NCAM2: variants seen among roughly 807,000 people sequenced by gnomAD.
NCAM2 encodes neural cell adhesion molecule 2, also known as N-CAM-2.
NCAM2 carries 30 observed loss-of-function variants against 98.1 expected under a neutral mutation model. The ratio of observed to expected loss-of-function variants is 0.31; its 90% CI spans 0.23 to 0.41. NCAM2 has a LOEUF of 0.41. Ranked by LOEUF, NCAM2 falls within the 10% of genes least tolerant of loss-of-function variation. NCAM2 has a pLI of 1.00. For missense variants in NCAM2, 867 were observed against 1,005.8 expected, an observed-to-expected ratio of 0.86 and a Z score of 1.87; for synonymous variants, 368 against 342.4, an observed-to-expected ratio of 1.07 and a Z score of -0.83.
chr21:21,245,518 G>T (rs114658416), intron 1 of NCAM2, among the ~76,000 whole-genome samples: 2,164 of 152,228 alleles, frequency 0.014, 61 homozygotes, highest in African/African-American at 0.049. Flanking sequence ...ACCTGCAGTG[G>T]CCAGACGTGT....
chr21:21,481,570 T>C (rs1434313070), intron 15 of NCAM2, among the ~76,000 whole-genome samples: 1 of 152,042 alleles, frequency 6.6e-6, no homozygotes, highest in Non-Finnish European at 1.5e-5. Flanking sequence ...TTTCAGGAAG[T>C]TTTTCTATGA....
At chr21:21,198,986 C>T (rs1349597930) in intron 1 of NCAM2, among the ~76,000 whole-genome samples, 2 of 152,086 alleles carry the variant, frequency 1.3e-5, no homozygotes, top group Non-Finnish European at 2.9e-5. Flanking sequence ...ACCTTCTGTT[C>T]TGGTTTGCTG....
At chr21:21,488,658 T>A (rs1265081168) in intron 15 of NCAM2, among the ~76,000 whole-genome samples, 3 of 151,792 alleles carry the variant, frequency 2.0e-5, no homozygotes, top group African/African-American at 7.2e-5. Context: ...AACATTTGAG[T>A]TTGTAGTAAT....
chr21:21,048,838 C>T (rs1045029800), intron 1 of NCAM2, among the ~76,000 whole-genome samples: 5 of 152,090 alleles, frequency 3.3e-5, no homozygotes, highest in South Asian at 2.1e-4. Flanking sequence ...TGACTCTTTT[C>T]GTCAACATTT....
intron 15 of NCAM2, among the ~76,000 whole-genome samples, chr21:21,480,366 CAAAA>C (rs59203448): frequency 4.3e-5 from 3 of 69,968 alleles, no homozygotes; most frequent in Non-Finnish European, 5.3e-5. Context: ...GACTCCATCT[CAAAA>C]AAAAAAAAAA....
chr21:21,409,654 G>A (rs946034291), intron 9 of NCAM2, among the ~76,000 whole-genome samples: 1 of 152,108 alleles, frequency 6.6e-6, no homozygotes, highest in Non-Finnish European at 1.5e-5. Flanking sequence ...CATTAACATA[G>A]TCAATATGTA....
intron 16 of NCAM2, among the ~76,000 whole-genome samples, chr21:21,530,335 A>ATATATAATTAAATTAAAATATAATTTGAT (rs1989618256): frequency 2.1e-4 from 5 of 24,130 alleles, no homozygotes; most frequent in Non-Finnish European, 3.7e-4. Context: ...AAATTAAATT[A>ATATATAATTAAATTAAAATATAATTTGAT]TACATAATTA....
rs2068042203 is a variant in NCAM2, at chr21:21,169,109, A to G, written c.56-111469A>G. Among the ~76,000 whole-genome samples the G allele has an allele frequency of 3.9e-5, 6 of 152,288 alleles. No homozygotes were observed. In the South Asian group the frequency reaches 1.2e-3, roughly 32 times the overall value. ...ATACACAAATAGATCAATGAAACCG[A>G]GTAGAGATTCCAGAAGTAGACCCAC... On this transcript the variant is annotated intron_variant, in intron 1 of 17. Coordinates refer to ENST00000400546, the MANE Select transcript of NCAM2 (RefSeq NM_004540.5).
chr21:21,110,840 T>C (rs2066439738), intron 1 of NCAM2, among the ~76,000 whole-genome samples: 1 of 152,004 alleles, frequency 6.6e-6, no homozygotes, highest in African/African-American at 2.4e-5. Context: ...CTTTGGCTTT[T>C]AATTCAATTA....
In NCAM2 at chr21:21,251,410, A is replaced by C. The variant is rs561285985; in HGVS notation, c.56-29168A>C. ...CTTATGAGTGAGAACATGTGTGCTG[A>C]TTTTCTGTTCCTGTGTTAGCTTGCT... On this transcript the variant is annotated intron_variant, in intron 1 of 17. Coordinates refer to ENST00000400546, the MANE Select transcript of NCAM2 (RefSeq NM_004540.5). 7.3e-5 allele frequency among the ~76,000 whole-genome samples: 11 copies of C among 150,622 alleles called. No individual in the cohort carries two copies. In the South Asian group the frequency reaches 2.3e-3, roughly 32 times the overall value.
chr21:21,213,425 T>C (rs1481152634), intron 1 of NCAM2, among the ~76,000 whole-genome samples: 2 of 152,200 alleles, frequency 1.3e-5, no homozygotes. Flanking sequence ...TGTTAAGTTA[T>C]TTAATATATG....
rs542020067 is a variant in NCAM2 at position 21,286,239 on chromosome 21, T to C, written c.338-30T>C. On this transcript the variant is annotated intron_variant, in intron 3 of 17. Coordinates refer to ENST00000400546, the MANE Select transcript of NCAM2 (RefSeq NM_004540.5). ...GCAATGATACTTTTGTGATTTGTGATTTGTGATTTGTTTTACTTTGTTGAT... is the reference window on the plus strand; with the variant it reads ...GCAATGATACTTTTGTGATTTGTGACTTGTGATTTGTTTTACTTTGTTGAT... The C allele has an allele frequency of 7.9e-4, 1,224 of 1,549,652 alleles. 4 individuals carry two copies. The highest frequency in any genetic ancestry group is 5.1e-3 in the South Asian group (435 of 84,942).
chr21:21,053,585 TATA>T (rs1601218341), intron 1 of NCAM2, among the ~76,000 whole-genome samples: 1 of 151,190 alleles, frequency 6.6e-6, no homozygotes, highest in Non-Finnish European at 1.5e-5. Flanking sequence ...ACATATATAT[TATA>T]ATATTATTTT....
chr21:21,532,380 G>GA (rs562655638), intron 16 of NCAM2, among the ~76,000 whole-genome samples: 61 of 151,632 alleles, frequency 4.0e-4, no homozygotes, highest in Non-Finnish European at 7.7e-4. Flanking sequence ...AATGTCTCTG[G>GA]AAAAAAATTA....
At chr21:21,253,151 A>G (rs964250303) in intron 1 of NCAM2, among the ~76,000 whole-genome samples, 4 of 152,240 alleles carry the variant, frequency 2.6e-5, no homozygotes, top group African/African-American at 7.2e-5. Context: ...TCTTTTTACA[A>G]CTATCACACT....
At chr21:21,281,254 A>G (rs1473289292) in intron 2 of NCAM2, among the ~76,000 whole-genome samples, 1 of 152,208 alleles carries the variant, frequency 6.6e-6, no homozygotes, top group Non-Finnish European at 1.5e-5. Context: ...ACTTAAATCA[A>G]TTTAAATATT....
chr21:21,205,998 G>T (rs991712374), intron 1 of NCAM2, among the ~76,000 whole-genome samples: 2 of 152,082 alleles, frequency 1.3e-5, no homozygotes, highest in Non-Finnish European at 2.9e-5. Context: ...TGGTGATTAG[G>T]TGTCAATATA....
intron 1 of NCAM2, among the ~76,000 whole-genome samples, chr21:21,096,117 A>T (rs2066117636): frequency 6.6e-6 from 1 of 151,674 alleles, no homozygotes; most frequent in African/African-American, 2.4e-5. Flanking sequence ...TATTATTGTT[A>T]ATTTCAATTA....
At chr21:21,449,144 G>A (rs1980636541) in intron 12 of NCAM2, among the ~76,000 whole-genome samples, 1 of 151,852 alleles carries the variant, frequency 6.6e-6, no homozygotes, top group Non-Finnish European at 1.5e-5. Context: ...TATATGTTAA[G>A]GAGAACTTCT....
Sources: gnomAD v4.1 joint callset for allele counts (sites outside exome capture counted in the v4.1 genomes callset) on GRCh38, gnomAD v4.1.1 for gene constraint, MANE v1.5 for transcripts, NCBI Gene and HGNC (gene_info 2026-07-23, HGNC 2026-07-21) for gene names.